The following SLC22A11 variants were observed in gnomAD, a reference collection of about 807,000 sequenced individuals.
SLC22A11 encodes the protein organic anion transporter 4.
SLC22A11 carries 42 observed loss-of-function variants against 49.4 expected under a neutral mutation model. The ratio of observed to expected loss-of-function variants is 0.85; its 90% confidence interval spans 0.66 to 1.10. The LOEUF is 1.10. Ranked by LOEUF, SLC22A11 falls within the 50% of genes least tolerant of loss-of-function variation. The pLI is 0.00. For synonymous variants in SLC22A11, 304 were observed against 315.8 expected (o/e 0.96, Z 0.40); for missense variants, 685 against 731.6 (o/e 0.94, Z 0.74).
In SLC22A11 at chr11:64,564,463, AC is replaced by A; in HGVS notation, c.942+36del. On this transcript the variant is annotated intron_variant, in intron 5 of 9. Coordinates refer to ENST00000301891, the MANE Select transcript of SLC22A11 (RefSeq NM_018484.4). This position sits in a 1 kb window ranked among gnomAD's most constrained non-coding sequence, Gnocchi z 4.2. The stretch of plus-strand genomic sequence containing the variant: ...TGCTGTCTGCGAGACTTGACCTGGG[AC>A]AGGACGTGCACTGAGGGATCATCCG... 6.2e-7 allele frequency: 1 copy of A among 1,611,446 alleles called. No homozygotes were observed. The highest frequency in any genetic ancestry group is 8.5e-7 in the Non-Finnish European group (1 of 1,178,586).
intron 9 of SLC22A11, 147 bp from the exon 10 acceptor site, chr11:64,570,832 C>T (rs1421451849): frequency 3.0e-6 from 2 of 669,824 alleles, no homozygotes; most frequent in African/African-American, 1.8e-5. Flanking sequence ...ATGTTTCAGG[C>T]ACTGTCCCGC....
Position 64,564,106 on chromosome 11 carries a change from G to C in SLC22A11, c.822-202G>C, listed in dbSNP as rs2038589374. Among the ~76,000 whole-genome samples, 1 of 152,158 alleles carries C rather than the reference G, an allele frequency of 6.6e-6. No individual in the cohort carries two copies. The highest frequency in any genetic ancestry group is 2.1e-4 in the South Asian group (1 of 4,832). On this transcript the variant is annotated intron_variant, in intron 4 of 9. Coordinates refer to ENST00000301891, the MANE Select transcript of SLC22A11 (RefSeq NM_018484.4). The surrounding 1 kb of genome is among the most constrained non-coding windows in gnomAD (Gnocchi z 4.2). ...AGATGGAGGTGGCTCGCTTGGGAAGGTGGGCGGCCAGGCATTGGGACTCAG... is the reference window on the plus strand; with the variant it reads ...AGATGGAGGTGGCTCGCTTGGGAAGCTGGGCGGCCAGGCATTGGGACTCAG...
chr11:64,559,015 AC>A, intron 1 of SLC22A11, 119 bp from the exon 2 acceptor site: 1 of 816,458 alleles, frequency 1.2e-6, no homozygotes. Context: ...GGTCCTCTCT[AC>A]CTCTGTGACC....
intron 2 of SLC22A11, among the ~76,000 whole-genome samples, chr11:64,559,862 G>A (rs927400849): frequency 2.0e-5 from 3 of 152,210 alleles, no homozygotes; most frequent in Non-Finnish European, 4.4e-5. Flanking sequence ...GACTGGAAAC[G>A]TCTCGTACCA....
chr11:64,560,306 C>A (rs370746171), intron 2 of SLC22A11, among the ~76,000 whole-genome samples: 1 of 152,100 alleles, frequency 6.6e-6, no homozygotes, highest in South Asian at 2.1e-4. Context: ...TGGCCGTCCA[C>A]GCTGCCACAG....
Position 64,564,728 on chromosome 11 carries a change from T to A in SLC22A11, c.942+300T>A, listed in dbSNP as rs1311534483. ...ACCATCACTAACCCCACAGCCACCA[T>A]CTCTGCAAAACATCTCCACCACCTT... On this transcript the variant is annotated intron_variant, in intron 5 of 9. Coordinates refer to ENST00000301891, the MANE Select transcript of SLC22A11 (RefSeq NM_018484.4). The surrounding 1 kb of genome is among the most constrained non-coding windows in gnomAD (Gnocchi z 4.2). 6.6e-6 allele frequency among the ~76,000 whole-genome samples: 1 copy of A among 151,730 alleles called. No homozygotes were observed. The highest frequency in any genetic ancestry group is 1.5e-5 in the Non-Finnish European group (1 of 67,954).
rs2038605810 is a variant in SLC22A11, at chr11:64,565,198, C to T, written c.943-24C>T. On this transcript the variant is annotated intron_variant, in intron 5 of 9. Coordinates refer to ENST00000301891, the MANE Select transcript of SLC22A11 (RefSeq NM_018484.4). The surrounding 1 kb of genome is among the most constrained non-coding windows in gnomAD (Gnocchi z 4.1). ...GGCAGGGCCATTGCCCTACCATTCA[C>T]GGTGCCCCCATTCTCCCCGGAAGGT... 3.3e-6 allele frequency: 5 copies of T among 1,494,852 alleles called. No individual in the cohort carries two copies. The highest frequency in any genetic ancestry group is 2.8e-5 in the African/African-American group (2 of 72,332). 92.6% of individuals were successfully genotyped at this position (1,494,852 alleles called of 1,614,324 possible). A position where few individuals can be genotyped will look rare whatever the true frequency, so the allele number is the denominator to read the frequency against.
At chr11:64,556,975 G>A (rs1428408290) in intron 1 of SLC22A11, among the ~76,000 whole-genome samples, 1 of 152,182 alleles carries the variant, frequency 6.6e-6, no homozygotes, top group East Asian at 1.9e-4. Context: ...GTCACCCCAC[G>A]CCCATTTCCT....
intron 2 of SLC22A11, among the ~76,000 whole-genome samples, chr11:64,561,305 C>T (rs2038540530): frequency 6.6e-6 from 1 of 152,164 alleles, no homozygotes; most frequent in Admixed American, 6.5e-5. Context: ...TCATAGCAGC[C>T]CTGTGAGGCA....
Sources: gnomAD v4.1 joint callset for allele counts (sites outside exome capture counted in the v4.1 genomes callset) on GRCh38, gnomAD v4.1.1 for gene constraint, Gnocchi (gnomAD v3.1) non-coding constraint, MANE v1.5 for transcripts, NCBI Gene and HGNC (gene_info 2026-07-23, HGNC 2026-07-21) for gene names.